The following RAB11FIP4 variants were observed in gnomAD, a reference collection of about 807,000 sequenced individuals.
The protein encoded by RAB11FIP4 is rab11 family-interacting protein 4.
Under a neutral mutation model 74.3 loss-of-function variants are expected in RAB11FIP4, and 23 were observed. That is an observed-to-expected ratio of 0.31 (90% CI 0.22 to 0.44). The LOEUF is 0.44. Ranked by LOEUF, RAB11FIP4 falls within the 20% of genes least tolerant of loss-of-function variation. RAB11FIP4 has a pLI of 1.00. For synonymous variants in RAB11FIP4, 360 were observed against 359.9 expected (o/e 1.00, Z 0.00); for missense variants, 630 against 863.9 (o/e 0.73, Z 3.39).
chr17:31,502,777 C>T (rs764072292), intron 3 of RAB11FIP4, among the ~76,000 whole-genome samples: 8 of 152,064 alleles, frequency 5.3e-5, no homozygotes, highest in Non-Finnish European at 1.0e-4. Context: ...CCACAGACTG[C>T]GTGGCGTAAA....
At chr17:31,409,052 C>T (rs1205273477) in intron 1 of RAB11FIP4, among the ~76,000 whole-genome samples, 1 of 152,174 alleles carries the variant, frequency 6.6e-6, no homozygotes, top group Non-Finnish European at 1.5e-5. Context: ...TTGATCCGGG[C>T]AGCCAGATGC....
chr17:31,529,344 C>T (rs9906448), intron 13 of RAB11FIP4, among the ~76,000 whole-genome samples: 5,676 of 152,160 alleles, frequency 0.037, 339 homozygotes, highest in African/African-American at 0.13. Flanking sequence ...GTCACTATGG[C>T]CTCAAATTCC....
intron 1 of RAB11FIP4, 80 bp from the exon 2 acceptor site, chr17:31,431,730 CCCT>C: frequency 3.8e-6 from 2 of 530,122 alleles, no homozygotes; most frequent in Non-Finnish European, 3.8e-6. Flanking sequence ...GTCCCTCCCT[CCCT>C]CCCAGCCTCC....
chr17:31,445,936 C>G (rs968618749), intron 3 of RAB11FIP4, among the ~76,000 whole-genome samples: 1 of 151,922 alleles, frequency 6.6e-6, no homozygotes. Context: ...AAATCTAATA[C>G]AGGATCACAC....
intron 2 of RAB11FIP4, 120 bp from the exon 3 acceptor site, chr17:31,433,914 T>G (rs2071333483): frequency 1.1e-6 from 1 of 938,508 alleles, no homozygotes; most frequent in African/African-American, 1.6e-5. Context: ...GCTGGCCTCC[T>G]GGAGCCTCGG....
rs573056451 is a variant in RAB11FIP4, at chr17:31,503,569, C to T, written c.337-14082C>T. The stretch of plus-strand genomic sequence containing the variant: ...CAAAGGCCCATGGGTGAGGGACCCC[C>T]TGGGGATGGCTCTTGACCACCTGCT... On this transcript the variant is annotated intron_variant, in intron 3 of 14. Transcript: ENST00000621161. 1.4e-3 allele frequency among the ~76,000 whole-genome samples: 203 copies of T among 149,778 alleles called. 25 individuals carry two copies. Among genetic ancestry groups the T allele is most frequent in the African/African-American group, 5.0e-3 (197 of 39,138 alleles).
intron 1 of RAB11FIP4, among the ~76,000 whole-genome samples, chr17:31,422,308 T>G (rs1203465007): frequency 6.6e-6 from 1 of 152,264 alleles, no homozygotes; most frequent in Middle Eastern, 3.2e-3. Flanking sequence ...GTGTGTTCGA[T>G]AAACATCAAT....
At chr17:31,394,502 CTTTTCTTTTCTTTTCTT>C (rs2070908447) in intron 1 of RAB11FIP4, among the ~76,000 whole-genome samples, 1 of 151,988 alleles carries the variant, frequency 6.6e-6, no homozygotes, top group African/African-American at 2.4e-5. Flanking sequence ...ATTCCTTTTT[CTTTTCTTTTCTTTTCTT>C]TTTTCTTTTA....
At chr17:31,509,777 C>T (rs2142790341) in intron 3 of RAB11FIP4, among the ~76,000 whole-genome samples, 1 of 152,276 alleles carries the variant, frequency 6.6e-6, no homozygotes, top group South Asian at 2.1e-4. Context: ...CGACCTGGTG[C>T]TCCCATGCTT....
intron 1 of RAB11FIP4, chr17:31,431,520 G>A (rs943669007): frequency 6.3e-6 from 2 of 315,888 alleles, no homozygotes; most frequent in Non-Finnish European, 1.2e-5. Context: ...GCAGAGCCTC[G>A]GCTTTCATTG....
intron 3 of RAB11FIP4, among the ~76,000 whole-genome samples, chr17:31,455,925 G>A (rs1159437868): frequency 1.3e-5 from 2 of 152,188 alleles, no homozygotes; most frequent in Non-Finnish European, 2.9e-5. Context: ...TCCGCTGAGA[G>A]TGCCATCCTG....
At chr17:31,528,865 C>A (rs2072819283) in intron 13 of RAB11FIP4, 87 bp downstream of exon 13, 1 of 1,431,446 alleles carries the variant, frequency 7.0e-7, no homozygotes, top group Non-Finnish European at 9.4e-7. Context: ...GGTAGGGGAG[C>A]CCAGAGCTGT....
chr17:31,400,614 C>G (rs2070975878), intron 1 of RAB11FIP4, among the ~76,000 whole-genome samples: 1 of 152,210 alleles, frequency 6.6e-6, no homozygotes, highest in African/African-American at 2.4e-5. Flanking sequence ...GTGATGGGCG[C>G]TGGGGGCCAG....
At chr17:31,427,792 G>A (rs2071267893) in intron 1 of RAB11FIP4, among the ~76,000 whole-genome samples, 1 of 152,198 alleles carries the variant, frequency 6.6e-6, no homozygotes, top group Admixed American at 6.5e-5. Context: ...GAGGAGAGGA[G>A]GCGGAATGCC....
intron 4 of RAB11FIP4, chr17:31,518,422 A>T (rs1000199383): frequency 2.0e-5 from 3 of 151,942 alleles, no homozygotes; most frequent in Non-Finnish European, 4.4e-5. Context: ...TGTTAAAAAC[A>T]CAAACATATG....
chr17:31,396,431 A>G (rs2070931995), intron 1 of RAB11FIP4, among the ~76,000 whole-genome samples: 1 of 152,094 alleles, frequency 6.6e-6, no homozygotes, highest in Admixed American at 6.6e-5. Flanking sequence ...TCCCCATTCT[A>G]TAGGGTTATT....
intron 3 of RAB11FIP4, among the ~76,000 whole-genome samples, chr17:31,461,784 C>T (rs1021884044): frequency 6.6e-6 from 1 of 151,630 alleles, no homozygotes; most frequent in South Asian, 2.1e-4. Context: ...GTGGCACGAT[C>T]TCGACTCACT....
chr17:31,431,528 T>C (rs1039702425), intron 1 of RAB11FIP4: 1 of 338,966 alleles, frequency 3.0e-6, no homozygotes, highest in Non-Finnish European at 5.3e-6. Context: ...TCGGCTTTCA[T>C]TGTGCAGTCC....
chr17:31,440,051 C>A (rs1307868490), intron 3 of RAB11FIP4, among the ~76,000 whole-genome samples: 1 of 152,102 alleles, frequency 6.6e-6, no homozygotes, highest in African/African-American at 2.4e-5. Flanking sequence ...ATTTATCAAC[C>A]TTTTTATGCC....
Sources: gnomAD v4.1 joint callset for allele counts (sites outside exome capture counted in the v4.1 genomes callset) on GRCh38, gnomAD v4.1.1 for gene constraint, MANE v1.5 for transcripts, NCBI Gene and HGNC (gene_info 2026-07-23, HGNC 2026-07-21) for gene names.